The following LRBA variants were observed in gnomAD, a reference collection of about 807,000 sequenced individuals.
LRBA encodes the protein LPS responsive beige-like anchor protein.
Under a neutral mutation model 330.0 loss-of-function variants are expected in LRBA, and 176 were observed. The ratio of observed to expected loss-of-function variants is 0.53; its 90% CI spans 0.47 to 0.60. The LOEUF (loss-of-function observed/expected upper bound fraction) is 0.60. Among genes scored for constraint, LRBA ranks in the 20% least tolerant of loss-of-function variants. The pLI is 0.00. For missense variants in LRBA, 3,259 were observed against 3,444.8 expected (o/e 0.95, Z 1.35); for synonymous variants, 1,230 against 1,193.0 (o/e 1.03, Z -0.64).
chr4:150,332,311 G>A (rs1016226920), intron 48 of LRBA, among the ~76,000 whole-genome samples: 7 of 151,996 alleles, frequency 4.6e-5, no homozygotes, highest in African/African-American at 1.7e-4. Context: ...CTTAGCTCAG[G>A]CATCTCTGGC....
At chr4:150,342,049 G>A (rs1052768333) in intron 48 of LRBA, among the ~76,000 whole-genome samples, 2 of 151,708 alleles carry the variant, frequency 1.3e-5, no homozygotes, top group East Asian at 1.9e-4. Flanking sequence ...TGTGGATTTC[G>A]ATTTTAAGAG....
At chr4:150,584,257 A>C (rs1054432582) in intron 40 of LRBA, 7 of 894,308 alleles carry the variant, frequency 7.8e-6, no homozygotes, top group Non-Finnish European at 9.4e-6. Flanking sequence ...TTAATTAAGA[A>C]GCAAACAAAA....
chr4:150,756,579 T>A (rs2126435230), intron 35 of LRBA, among the ~76,000 whole-genome samples: 1 of 152,226 alleles, frequency 6.6e-6, no homozygotes, highest in East Asian at 1.9e-4. Context: ...TCAATTCAAT[T>A]CAATTTCAAT....
At chr4:150,447,969 C>T (rs1561192406) in intron 44 of LRBA, among the ~76,000 whole-genome samples, 1 of 152,182 alleles carries the variant, frequency 6.6e-6, no homozygotes, top group Non-Finnish European at 1.5e-5. Context: ...AAAGAATGCA[C>T]TAGACAATTC....
intron 38 of LRBA, among the ~76,000 whole-genome samples, chr4:150,594,942 C>T (rs917893866): frequency 6.6e-6 from 1 of 151,916 alleles, no homozygotes; most frequent in Non-Finnish European, 1.5e-5. Context: ...TTTTTAACAT[C>T]TACTGAGCAA....
chr4:150,522,919 G>A (rs377034325), intron 40 of LRBA, among the ~76,000 whole-genome samples: 3 of 152,322 alleles, frequency 2.0e-5, no homozygotes, highest in African/African-American at 2.4e-5. Context: ...AGAGCCATGG[G>A]GTTGGGACCA....
chr4:150,538,884 C>T (rs1764994090), intron 40 of LRBA, among the ~76,000 whole-genome samples: 1 of 151,924 alleles, frequency 6.6e-6, no homozygotes, highest in Non-Finnish European at 1.5e-5. Context: ...AGGATCATTC[C>T]TACCCCAAAC....
chr4:150,939,171 G>A (rs1393320104), intron 2 of LRBA, among the ~76,000 whole-genome samples: 1 of 152,096 alleles, frequency 6.6e-6, no homozygotes, highest in East Asian at 1.9e-4. Flanking sequence ...ATTACAGGTT[G>A]AATTGTGTTC....
In LRBA at chr4:150,310,247, C is replaced by T. The variant is rs762297378; in HGVS notation, c.7831G>A (p.Val2611Ile). The change falls in exon 52 of 57, where the codon GTC becomes ATC. Residue 2611 changes from valine (V) to isoleucine (I), a missense_variant. Val to Ile is a conservative substitution (Grantham distance 29, BLOSUM62 3). Coordinates refer to ENST00000651943, the MANE Select transcript of LRBA (RefSeq NM_001364905.1). ...VCGFWDKSFR[V>I]YSTDTGRLIQ... ...AAATTACCTGTGTCTGTAGAATAGA[C>T]TCTGAAACTTTTATCCCAGAAGCCA... The T allele has an allele frequency of 6.2e-7, 1 of 1,611,988 alleles. No individual in the cohort carries two copies.
chr4:150,523,138 A>G (rs1270383359), intron 40 of LRBA, among the ~76,000 whole-genome samples: 2 of 152,212 alleles, frequency 1.3e-5, no homozygotes, highest in Non-Finnish European at 2.9e-5. Flanking sequence ...AGCTAGAAGG[A>G]GTTAAGACTT....
chr4:150,933,216 C>T (rs553893610), intron 2 of LRBA, among the ~76,000 whole-genome samples: 6 of 151,620 alleles, frequency 4.0e-5, no homozygotes, highest in Non-Finnish European at 8.8e-5. Flanking sequence ...GGTGAAACCC[C>T]GTCTCTACTA....
chr4:150,967,438 G>A (rs756707541), intron 2 of LRBA, among the ~76,000 whole-genome samples: 1 of 152,144 alleles, frequency 6.6e-6, no homozygotes, highest in African/African-American at 2.4e-5. Context: ...TCAAAGTTTA[G>A]CTCTAGCCCC....
rs116101437 is a variant in LRBA at position 150,297,944 on chromosome 4, T to G, written c.8017+4681A>C. Among the ~76,000 whole-genome samples, 1,112 of 152,286 alleles carry G rather than the reference T, an allele frequency of 7.3e-3. 9 individuals are homozygous for G. Among genetic ancestry groups the G allele is most frequent in the African/African-American group, 0.026 (1,070 of 41,566 alleles). ...TGGTTCAACACAAATGTACATACCTTGACATTTGTGACCCTTAAATAATAT... is the reference window on the plus strand; with the variant it reads ...TGGTTCAACACAAATGTACATACCTGGACATTTGTGACCCTTAAATAATAT... On this transcript the variant is annotated intron_variant, in intron 53 of 56. Coordinates refer to ENST00000651943, the MANE Select transcript of LRBA (RefSeq NM_001364905.1).
At chr4:150,540,159 C>T (rs898064981) in intron 40 of LRBA, among the ~76,000 whole-genome samples, 1 of 152,126 alleles carries the variant, frequency 6.6e-6, no homozygotes, top group African/African-American at 2.4e-5. Context: ...TTTGCATTCT[C>T]GAAAACAGAC....
chr4:150,892,288 T>C (rs1334243793), intron 17 of LRBA, among the ~76,000 whole-genome samples: 2 of 152,210 alleles, frequency 1.3e-5, no homozygotes, highest in East Asian at 3.8e-4. Flanking sequence ...ACCAAATGTT[T>C]GCATACACCC....
intron 53 of LRBA, among the ~76,000 whole-genome samples, chr4:150,297,474 C>T (rs527528602): frequency 1.3e-4 from 20 of 152,190 alleles, no homozygotes; most frequent in Admixed American, 5.2e-4. Flanking sequence ...CATTTGAAAA[C>T]GCTTCTTGAT....
intron 37 of LRBA, among the ~76,000 whole-genome samples, chr4:150,626,097 C>T (rs940672751): frequency 6.6e-5 from 10 of 151,764 alleles, no homozygotes; most frequent in Non-Finnish European, 1.0e-4. Flanking sequence ...GCTATATATT[C>T]GTCTTTGATT....
At chr4:150,359,644 A>T (rs1394191736) in intron 47 of LRBA, among the ~76,000 whole-genome samples, 1 of 152,054 alleles carries the variant, frequency 6.6e-6, no homozygotes, top group East Asian at 1.9e-4. Flanking sequence ...TTTTGGATCT[A>T]AGGCTGAGAA....
At position 150,436,798 on chromosome 4, in the gene LRBA, C is replaced by T. The variant is rs939898061; in HGVS notation, c.6847G>A (p.Asp2283Asn). The change falls in exon 45 of 57, where the codon GAT (aspartate) becomes AAT (asparagine). Residue 2283 changes from aspartate to asparagine, a missense_variant. Asp to Asn is a conservative substitution (Grantham distance 23). Transcript: ENST00000651943. ...FAERYESWEDDQVPKFHYGTH... is the reference protein window; with the variant it reads ...FAERYESWEDNQVPKFHYGTH... ...CCATAGTGAAACTTTGGAACTTGAT[C>T]ATCTTCCCATGATTCATAACGCTCA... is the stretch of plus-strand genomic sequence containing the variant. 4.2e-5 allele frequency: 67 copies of T among 1,613,708 alleles called. No homozygotes were observed. The highest frequency in any genetic ancestry group is 5.6e-5 in the Non-Finnish European group (66 of 1,179,760).
Sources: gnomAD v4.1 joint callset for allele counts (sites outside exome capture counted in the v4.1 genomes callset) on GRCh38, gnomAD v4.1.1 for gene constraint, MANE v1.5 for transcripts, NCBI Gene and HGNC (gene_info 2026-07-23, HGNC 2026-07-21) for gene names.